PITPNM3: variants seen among roughly 807,000 people sequenced by gnomAD.
PITPNM3 encodes the protein membrane-associated phosphatidylinositol transfer protein 3.
PITPNM3 carries 26 observed loss-of-function variants against 102.0 expected under a neutral mutation model. That is an observed-to-expected ratio of 0.25 (90% CI 0.19 to 0.35). The LOEUF (loss-of-function observed/expected upper bound fraction) is 0.35. Among genes scored for constraint, PITPNM3 ranks in the 10% least tolerant of loss-of-function variants. PITPNM3 has a pLI of 1.00. For synonymous variants in PITPNM3, 578 were observed against 558.6 expected, an observed-to-expected ratio of 1.03 and a Z score of -0.49; for missense variants, 1,083 against 1,346.1, an observed-to-expected ratio of 0.80 and a Z score of 3.06.
At chr17:6,553,005 C>T (rs986603229) in intron 1 of PITPNM3, among the ~76,000 whole-genome samples, 1 of 151,648 alleles carries the variant, frequency 6.6e-6, no homozygotes, top group African/African-American at 2.4e-5. Context: ...CTCCTGACCT[C>T]GTGATCTGCC....
rs1305616348 is a variant in PITPNM3, at chr17:6,458,449, G to A, written c.2491-727C>T. Among the ~76,000 whole-genome samples the A allele has an allele frequency of 3.3e-5, 5 of 152,102 alleles. No homozygotes were observed. The highest frequency in any genetic ancestry group is 1.9e-4 in the East Asian group (1 of 5,180). ...CTTCCTGCCAAGCCCCACCATCACT[G>A]GGATGACCCACGGTCTGCATGACGT... On this transcript the variant is annotated intron_variant, in intron 18 of 19. Coordinates refer to ENST00000262483, the MANE Select transcript of PITPNM3 (RefSeq NM_031220.4). The surrounding 1 kb of genome is among the most constrained non-coding windows in gnomAD (Gnocchi z 5.1).
intron 1 of PITPNM3, among the ~76,000 whole-genome samples, chr17:6,551,213 C>T (rs1333188168): frequency 6.6e-6 from 1 of 152,106 alleles, no homozygotes; most frequent in Non-Finnish European, 1.5e-5. Flanking sequence ...AAAAATTAGC[C>T]GGGCATGGTG....
At chr17:6,474,637 G>A (rs1265956418) in intron 9 of PITPNM3, 33 bp from the exon 10 acceptor site, 1 of 1,545,624 alleles carries the variant, frequency 6.5e-7, no homozygotes, top group Non-Finnish European at 8.7e-7. Flanking sequence ...GGCAGGGCAG[G>A]TCAGGGAAGG....
Position 6,537,890 on chromosome 17 carries a change from C to CT in PITPNM3, c.118+96dup. The stretch of plus-strand genomic sequence containing the variant: ...GAGTGTGGAGCTGCAGATACCACGT[C>CT]TGAGTGGGGAGGGATGCGGACCCCC... On this transcript the variant is annotated intron_variant, in intron 2 of 19. Transcript: ENST00000262483. This position sits in a 1 kb window ranked among gnomAD's most constrained non-coding sequence, Gnocchi z 4.4. The CT allele has an allele frequency of 9.9e-7, 1 of 1,007,144 alleles. No homozygotes were observed. The highest frequency in any genetic ancestry group is 1.5e-6 in the Non-Finnish European group (1 of 647,588). The allele number at this position is 1,007,144 out of a possible 1,614,324, so 62.4% of individuals were successfully genotyped here.
chr17:6,467,080 CCAA>C (rs1459067966), intron 14 of PITPNM3, among the ~76,000 whole-genome samples: 7 of 60,998 alleles, frequency 1.1e-4, no homozygotes, highest in Admixed American at 6.0e-4. Flanking sequence ...AAAAAAAAAA[CCAA>C]AAAAAAAAAA....
At chr17:6,538,293 T>C (rs974139513) in intron 1 of PITPNM3, among the ~76,000 whole-genome samples, 8 of 152,266 alleles carry the variant, frequency 5.3e-5, no homozygotes, top group African/African-American at 1.9e-4. Flanking sequence ...AGAGCAGGAA[T>C]GCGTGTGCCC....
chr17:6,554,800 T>A lies in PITPNM3; in HGVS notation c.22+1585A>T, dbSNP rs146758865. Among the ~76,000 whole-genome samples, 3 of 152,310 alleles carry A rather than the reference T, an allele frequency of 2.0e-5. No homozygotes were observed. In the East Asian group the frequency reaches 5.8e-4, roughly 29 times the overall value. On this transcript the variant is annotated intron_variant, in intron 1 of 19. Transcript: ENST00000262483. ...CTTGAGGCTGCTATTTCTCTGAGTA[T>A]CTGTTTCTAGATGTTTTAAAAGTGG... is the stretch of plus-strand genomic sequence containing the variant.
chr17:6,547,345 T>C (rs544481119), intron 1 of PITPNM3, among the ~76,000 whole-genome samples: 83 of 152,360 alleles, frequency 5.4e-4, no homozygotes, highest in African/African-American at 1.8e-3. Context: ...AATTAGTGAT[T>C]AATAGCTTTG....
intron 4 of PITPNM3, among the ~76,000 whole-genome samples, chr17:6,498,013 C>A (rs1018680909): frequency 6.6e-6 from 1 of 152,196 alleles, no homozygotes; most frequent in Admixed American, 6.5e-5. Flanking sequence ...TCCCACCGGA[C>A]GTTCCTGGAT....
At chr17:6,529,857 C>A (rs913732788) in intron 2 of PITPNM3, among the ~76,000 whole-genome samples, 3 of 150,528 alleles carry the variant, frequency 2.0e-5, no homozygotes, top group Non-Finnish European at 3.0e-5. Context: ...TTGTGAGGGG[C>A]AGTCCCCACA....
At chr17:6,490,093 A>G (rs532943331) in intron 4 of PITPNM3, among the ~76,000 whole-genome samples, 9 of 152,200 alleles carry the variant, frequency 5.9e-5, no homozygotes, top group African/African-American at 1.7e-4. Flanking sequence ...AGGCTTTGCT[A>G]TTTTGCTGTG....
intron 9 of PITPNM3, among the ~76,000 whole-genome samples, chr17:6,476,240 G>C (rs9891223): frequency 7.2e-5 from 11 of 152,060 alleles, no homozygotes; most frequent in Non-Finnish European, 1.5e-4. Context: ...GGCTCCCTCT[G>C]GGTGGTGAGA....
chr17:6,455,156 G>C lies in PITPNM3; in HGVS notation c.*182C>G, dbSNP rs1914029278. 1 of 746,072 alleles carries C rather than the reference G, an allele frequency of 1.3e-6. No homozygotes were observed. The highest frequency in any genetic ancestry group is 1.9e-5 in the African/African-American group (1 of 53,476). The allele number at this position is 746,072 out of a possible 1,614,324, so 46.2% of individuals were successfully genotyped here. A position where few individuals can be genotyped will look rare whatever the true frequency, so the allele number is the denominator to read the frequency against. ...CGAGATCCCCGGACCTCACCCCGTC[G>C]CAGCTCAGGGAGCCCCCCGGGCTCG... On this transcript the variant is annotated 3_prime_UTR_variant, in exon 20 of 20. Coordinates refer to ENST00000262483, the MANE Select transcript of PITPNM3 (RefSeq NM_031220.4).
At chr17:6,503,327 C>T (rs549461574) in intron 4 of PITPNM3, among the ~76,000 whole-genome samples, 200 bp downstream of exon 4, 1 of 152,240 alleles carries the variant, frequency 6.6e-6, no homozygotes, top group South Asian at 2.1e-4. Context: ...CTCAGGAACC[C>T]GAGGAGGCTC....
intron 4 of PITPNM3, among the ~76,000 whole-genome samples, chr17:6,502,692 GAA>G (rs1567678793): frequency 6.6e-6 from 1 of 152,128 alleles, no homozygotes; most frequent in Admixed American, 6.5e-5. Context: ...GAGAAGTCAG[GAA>G]AGTTCTGAGC....
intron 3 of PITPNM3, among the ~76,000 whole-genome samples, chr17:6,508,800 C>T (rs995114828): frequency 1.3e-5 from 2 of 152,130 alleles, no homozygotes; most frequent in Admixed American, 6.5e-5. Flanking sequence ...GTGTGGCGCC[C>T]GGACAGTAGG....
intron 3 of PITPNM3, among the ~76,000 whole-genome samples, chr17:6,515,072 A>G (rs540356449): frequency 6.6e-6 from 1 of 152,256 alleles, no homozygotes; most frequent in East Asian, 1.9e-4. Context: ...GTGACTGCTA[A>G]TGGGTATGGG....
intron 18 of PITPNM3, among the ~76,000 whole-genome samples, chr17:6,460,300 A>G (rs1435617462): frequency 6.6e-6 from 1 of 152,196 alleles, no homozygotes; most frequent in Non-Finnish European, 1.5e-5. Context: ...GACTCAGCTC[A>G]AAAGTTACCA....
chr17:6,503,374 G>A (rs1441708679), intron 4 of PITPNM3, among the ~76,000 whole-genome samples, 153 bp downstream of exon 4: 3 of 152,150 alleles, frequency 2.0e-5, no homozygotes, highest in Admixed American at 2.0e-4. Flanking sequence ...CTCAGGCTGA[G>A]TGACCCCAGG....
Sources: gnomAD v4.1 joint callset for allele counts (sites outside exome capture counted in the v4.1 genomes callset) on GRCh38, gnomAD v4.1.1 for gene constraint, Gnocchi (gnomAD v3.1) non-coding constraint, MANE v1.5 for transcripts, NCBI Gene and HGNC (gene_info 2026-07-23, HGNC 2026-07-21) for gene names.